The following SYNPR variants were observed in gnomAD, a reference collection of about 807,000 sequenced individuals.
SYNPR encodes synaptoporin.
In SYNPR, 23 loss-of-function variants were observed where a neutral mutation model predicts 32.9. The observed-to-expected ratio is 0.70, with a 90% CI of 0.50 to 0.99. The LOEUF (loss-of-function observed/expected upper bound fraction) is 0.99, where lower values mean the gene tolerates loss of function less well. SYNPR is among the 50% of genes least tolerant of loss of function. The pLI, the probability that SYNPR is intolerant of heterozygous loss-of-function variation, is 0.00. For synonymous variants in SYNPR, 146 were observed against 135.9 expected, an observed-to-expected ratio of 1.07 and a Z score of -0.52; for missense variants, 318 against 349.3, an observed-to-expected ratio of 0.91 and a Z score of 0.71.
At chr3:63,418,976 T>C (rs1343608254) in intron 2 of SYNPR, among the ~76,000 whole-genome samples, 1 of 152,244 alleles carries the variant, frequency 6.6e-6, no homozygotes. Context: ...TTTTCATGAA[T>C]TTTTAACTTC....
intron 2 of SYNPR, among the ~76,000 whole-genome samples, chr3:63,383,607 T>G (rs2088002814): frequency 6.6e-6 from 1 of 151,974 alleles, no homozygotes; most frequent in Admixed American, 6.6e-5. Context: ...ATAGAACCAC[T>G]GCCCTCCAGC....
chr3:63,586,244 A>T (rs1021648127), intron 4 of SYNPR, among the ~76,000 whole-genome samples: 5 of 151,996 alleles, frequency 3.3e-5, no homozygotes, highest in African/African-American at 1.2e-4. Context: ...TCTTTTCATG[A>T]ACCTAACTGT....
exon 2 of SYNPR, chr3:63,252,520 G>A (rs2086341468): frequency 6.6e-6 from 1 of 152,064 alleles, no homozygotes; most frequent in Non-Finnish European, 1.5e-5. Context: ...GTTACACTGC[G>A]CCTTTAAGGA....
At chr3:63,349,497 T>C (rs1229218592) in intron 2 of SYNPR, among the ~76,000 whole-genome samples, 1 of 152,254 alleles carries the variant, frequency 6.6e-6, no homozygotes, top group Non-Finnish European at 1.5e-5. Context: ...ATTTCTTTTA[T>C]AATTTTCTTT....
intron 2 of SYNPR, among the ~76,000 whole-genome samples, chr3:63,409,569 T>G (rs1343255079): frequency 6.6e-6 from 1 of 152,170 alleles, no homozygotes; most frequent in Non-Finnish European, 1.5e-5. Context: ...GTGGTCAAGT[T>G]CTCCTAAAAT....
intron 1 of SYNPR, among the ~76,000 whole-genome samples, chr3:63,250,302 T>C (rs2086321441): frequency 6.6e-6 from 1 of 151,978 alleles, no homozygotes; most frequent in Non-Finnish European, 1.5e-5. Flanking sequence ...TGTACAATTA[T>C]TACATGTCAA....
intron 2 of SYNPR, chr3:63,289,607 A>G (rs929455938): frequency 6.6e-6 from 1 of 152,160 alleles, no homozygotes; most frequent in East Asian, 1.9e-4. Flanking sequence ...AATCTATTCT[A>G]GAGGGATCTG....
chr3:63,419,543 A>T (rs1382781748), intron 2 of SYNPR, among the ~76,000 whole-genome samples: 2 of 151,962 alleles, frequency 1.3e-5, no homozygotes, highest in Non-Finnish European at 2.9e-5. Flanking sequence ...AAAGTTTTTT[A>T]TTTTTTTTCT....
At chr3:63,384,565 G>A (rs2088017292) in intron 2 of SYNPR, among the ~76,000 whole-genome samples, 1 of 152,088 alleles carries the variant, frequency 6.6e-6, no homozygotes, top group Non-Finnish European at 1.5e-5. Context: ...GAAAAGGAAC[G>A]AACAATATGT....
intron 2 of SYNPR, among the ~76,000 whole-genome samples, chr3:63,321,195 T>G (rs1473677384): frequency 1.3e-5 from 2 of 152,226 alleles, no homozygotes; most frequent in Admixed American, 6.5e-5. Flanking sequence ...AATATTTTAT[T>G]GTAGCATTTT....
chr3:63,453,978 T>G (rs1700431188), intron 2 of SYNPR, among the ~76,000 whole-genome samples: 1 of 152,166 alleles, frequency 6.6e-6, no homozygotes, highest in African/African-American at 2.4e-5. Context: ...AGAAACCTAT[T>G]TAGAATAACT....
the SYNPR span, among the ~76,000 whole-genome samples, chr3:63,222,956 G>A: frequency 6.6e-6 from 1 of 152,148 alleles, no homozygotes; most frequent in African/African-American, 2.4e-5. Context: ...ATATAAAAAT[G>A]TATATCTCAA....
At chr3:63,559,070 C>CT (rs34219166) in intron 4 of SYNPR, among the ~76,000 whole-genome samples, 2,246 of 126,148 alleles carry the variant, frequency 0.018, 34 homozygotes, top group African/African-American at 0.052. Flanking sequence ...TCAATACTTT[C>CT]TTTTTTTTTT....
intron 2 of SYNPR, among the ~76,000 whole-genome samples, chr3:63,258,484 C>A (rs993960455): frequency 6.6e-6 from 1 of 152,056 alleles, no homozygotes; most frequent in African/African-American, 2.4e-5. Context: ...GGGTACATAC[C>A]GAAATGAAGG....
At chr3:63,282,779 C>T (rs1448650363) in intron 2 of SYNPR, among the ~76,000 whole-genome samples, 1 of 150,128 alleles carries the variant, frequency 6.7e-6, no homozygotes, top group East Asian at 1.9e-4. Flanking sequence ...AGTGAGAAAA[C>T]ATAAGTTTCA....
chr3:63,365,137 T>C (rs1560206409), intron 2 of SYNPR, among the ~76,000 whole-genome samples: 2 of 152,194 alleles, frequency 1.3e-5, no homozygotes, highest in African/African-American at 2.4e-5. Context: ...CAGAGGGCTG[T>C]GGCTTTCCAA....
At chr3:63,314,632 T>G (rs554279953) in intron 2 of SYNPR, among the ~76,000 whole-genome samples, 35 of 152,186 alleles carry the variant, frequency 2.3e-4, no homozygotes, top group African/African-American at 7.9e-4. Flanking sequence ...TAGCCTTTTG[T>G]CAGATGAATA....
At chr3:63,455,480 C>T (rs1700465331) in intron 2 of SYNPR, among the ~76,000 whole-genome samples, 1 of 152,070 alleles carries the variant, frequency 6.6e-6, no homozygotes, top group Non-Finnish European at 1.5e-5. Context: ...CATGCTGCTA[C>T]ATTTTTCCCC....
upstream of SYNPR, among the ~76,000 whole-genome samples, chr3:63,225,328 G>T (rs957716656): frequency 6.6e-6 from 1 of 152,200 alleles, no homozygotes; most frequent in Non-Finnish European, 1.5e-5. Flanking sequence ...GCTTCTGGAT[G>T]GCACATCATG....
Sources: allele counts gnomAD v4.1 joint callset (sites outside exome capture counted in the v4.1 genomes callset), GRCh38; gene constraint gnomAD v4.1.1; transcripts MANE v1.5; gene names NCBI Gene and HGNC (gene_info 2026-07-23, HGNC 2026-07-21).